Variants in MANBAL observed in about 807,000 individuals in gnomAD.
MANBAL encodes the protein mannosidase beta like.
A neutral mutation model predicts 6.4 loss-of-function variants in MANBAL; 1 was observed. That is an observed-to-expected ratio of 0.16 (90% confidence interval 0.06 to 0.74). The LOEUF (loss-of-function observed/expected upper bound fraction) is 0.74. Among genes scored for constraint, MANBAL ranks in the 30% least tolerant of loss-of-function variants. The probability of loss-of-function intolerance (pLI) is 0.78; values close to 1 mark genes in which losing one functional copy is unlikely to be tolerated. For synonymous variants in MANBAL, 47 were observed against 45.8 expected (o/e 1.03, Z -0.10); for missense variants, 100 against 107.8 (o/e 0.93, Z 0.32).
intron 1 of MANBAL, among the ~76,000 whole-genome samples, chr20:37,294,246 A>T (rs1409697858): frequency 6.6e-6 from 1 of 152,102 alleles, no homozygotes; most frequent in Non-Finnish European, 1.5e-5. Flanking sequence ...CTTCTTTCAG[A>T]TTTCACCTCA....
At chr20:37,314,234 C>T (rs550454848) in intron 2 of MANBAL, among the ~76,000 whole-genome samples, 74 of 152,202 alleles carry the variant, frequency 4.9e-4, no homozygotes, top group African/African-American at 1.8e-3. Context: ...GTGAGGTTAC[C>T]GGGTCTCTGG....
chr20:37,306,986 C>T (rs2069273587), intron 2 of MANBAL, among the ~76,000 whole-genome samples: 1 of 152,126 alleles, frequency 6.6e-6, no homozygotes, highest in Non-Finnish European at 1.5e-5. Flanking sequence ...GTTTTTGAGA[C>T]AGGGTCTTGC....
intron 2 of MANBAL, among the ~76,000 whole-genome samples, chr20:37,312,690 A>G (rs1222791131): frequency 6.6e-6 from 1 of 152,192 alleles, no homozygotes; most frequent in Non-Finnish European, 1.5e-5. Context: ...GCTGGAGTGT[A>G]GTAGCTATTT....
intron 1 of MANBAL, chr20:37,298,939 G>A (rs1290974000): frequency 6.6e-6 from 1 of 152,126 alleles, no homozygotes; most frequent in Non-Finnish European, 1.5e-5. Flanking sequence ...GTCCCACTCT[G>A]TTGCCCAGGC....
At position 37,301,306 on chromosome 20, in the gene MANBAL, C is replaced by T; in HGVS notation, c.43C>T (p.Pro15Ser). The change falls in exon 2 of 3, where the codon CCC (proline) becomes TCC (serine). Residue 15 changes from proline (P) to serine (S), a missense_variant. Transcript: ENST00000373606. ...LDFSPPEVPEPTFLENLLRYG... is the reference protein window; with the variant it reads ...LDFSPPEVPESTFLENLLRYG... Reference sequence around the variant, plus strand: ...CTTCTCACCTCCGGAGGTGCCCGAGCCCACTTTCCTGGAGAACCTGCTACG... The same window carrying T: ...CTTCTCACCTCCGGAGGTGCCCGAGTCCACTTTCCTGGAGAACCTGCTACG... 6.2e-7 allele frequency: 1 copy of T among 1,611,874 alleles called. No individual in the cohort carries two copies. The highest frequency in any genetic ancestry group is 1.1e-5 in the South Asian group (1 of 90,844).
intron 2 of MANBAL, among the ~76,000 whole-genome samples, chr20:37,308,736 C>G (rs999905932): frequency 6.6e-6 from 1 of 151,900 alleles, no homozygotes; most frequent in South Asian, 2.1e-4. Context: ...CAAGCCTCTT[C>G]CGGATCGATT....
intron 2 of MANBAL, among the ~76,000 whole-genome samples, chr20:37,315,914 TC>T (rs1000420044): frequency 1.3e-5 from 2 of 152,254 alleles, no homozygotes; most frequent in Non-Finnish European, 2.9e-5. Context: ...AGCTGGCACT[TC>T]CTGGGTGCTT....
chr20:37,316,402 A>G lies in MANBAL; in HGVS notation c.245A>G (p.Lys82Arg). 1.2e-6 allele frequency: 2 copies of G among 1,613,370 alleles called. No individual in the cohort carries two copies. Among genetic ancestry groups the G allele is most frequent in the Non-Finnish European group, 1.7e-6 (2 of 1,179,528 alleles). ...SVNKRPKKET[K>R]KKR ...AACAAGAGGCCCAAGAAAGAGACTA[A>G]GAAGAAGCGGTAGAAGAGGAGGCCT... The change falls in exon 3 of 3, where the codon AAG becomes AGG. Residue 82 changes from lysine to arginine, a missense_variant. By Grantham distance (26) the Lys-to-Arg change is conservative. Coordinates refer to ENST00000373606, the MANE Select transcript of MANBAL (RefSeq NM_001003897.2).
At chr20:37,307,166 A>G (rs2069278101) in intron 2 of MANBAL, among the ~76,000 whole-genome samples, 3 of 152,044 alleles carry the variant, frequency 2.0e-5, no homozygotes, top group African/African-American at 4.8e-5. Flanking sequence ...CGGTTTCACT[A>G]TGTTGCCCAG....
At chr20:37,316,090 A>G (rs1163981477) in intron 2 of MANBAL, among the ~76,000 whole-genome samples, 1 of 152,206 alleles carries the variant, frequency 6.6e-6, no homozygotes, top group African/African-American at 2.4e-5. Context: ...CTGAGACCCC[A>G]CAAGCTGCTC....
rs779122925 is a variant in MANBAL, at chr20:37,301,459, G to A, written c.150+46G>A. 4 of 1,599,988 alleles carry A rather than the reference G, an allele frequency of 2.5e-6. No individual in the cohort carries two copies. The East Asian group carries it at 6.7e-5, about 27-fold the overall frequency. On this transcript the variant is annotated intron_variant, in intron 2 of 2. Coordinates refer to ENST00000373606, the MANE Select transcript of MANBAL (RefSeq NM_001003897.2). Reference sequence around the variant, plus strand: ...CTCAGCTCCTCTGAGTGCCAGGCTGGGTTCTGAGTACTAACAGTAGGTGCC... The same window carrying A: ...CTCAGCTCCTCTGAGTGCCAGGCTGAGTTCTGAGTACTAACAGTAGGTGCC...
In MANBAL at chr20:37,297,924, C is replaced by T. The variant is rs565025519; in HGVS notation, c.-56-3284C>T. ...CCTCCCAAAGTGCTGGGATTACAGG[C>T]GTGAGCCACTGCGCCCTGTGAGGCA... On this transcript the variant is annotated intron_variant, in intron 1 of 2. Coordinates refer to ENST00000373606, the MANE Select transcript of MANBAL (RefSeq NM_001003897.2). Among the ~76,000 whole-genome samples, 15 of 152,316 alleles carry T rather than the reference C, an allele frequency of 9.8e-5. 1 individual carries two copies. The highest frequency in any genetic ancestry group is 6.5e-5 in the Admixed American group (1 of 15,296).
At chr20:37,313,016 A>G (rs953335786) in intron 2 of MANBAL, among the ~76,000 whole-genome samples, 1 of 152,206 alleles carries the variant, frequency 6.6e-6, no homozygotes, top group Non-Finnish European at 1.5e-5. Flanking sequence ...TCATTCACTC[A>G]TTCATTGATT....
intron 1 of MANBAL, among the ~76,000 whole-genome samples, chr20:37,293,540 T>G (rs1012310410): frequency 6.6e-6 from 1 of 152,186 alleles, no homozygotes; most frequent in South Asian, 2.1e-4. Flanking sequence ...CACCTCCTGC[T>G]GTGCGGCCTG....
At position 37,292,968 on chromosome 20, in the gene MANBAL, C is replaced by T. The variant is rs117778333; in HGVS notation, c.-57+3282C>T. On this transcript the variant is annotated intron_variant, in intron 1 of 2. Coordinates refer to ENST00000373606, the MANE Select transcript of MANBAL (RefSeq NM_001003897.2). ...CGCAGTGGACAGAGTAAGAGACATA[C>T]GTATATATGCACAGATCTAGAAGTA... is the stretch of plus-strand genomic sequence containing the variant. Among the ~76,000 whole-genome samples the T allele has an allele frequency of 1.4e-3, 206 of 152,290 alleles. 2 individuals are homozygous for T. Among genetic ancestry groups the T allele is most frequent in the Non-Finnish European group, 2.4e-3 (160 of 68,030 alleles).
chr20:37,290,686 C>T (rs540460842), intron 1 of MANBAL, among the ~76,000 whole-genome samples: 1 of 152,164 alleles, frequency 6.6e-6, no homozygotes, highest in Admixed American at 6.5e-5. Context: ...CTCAAACTCC[C>T]GACCTCAGGT....
chr20:37,305,055 A>G (rs1216375481), intron 2 of MANBAL, among the ~76,000 whole-genome samples: 1 of 152,112 alleles, frequency 6.6e-6, no homozygotes, highest in Admixed American at 6.5e-5. Context: ...GTGAACAGGG[A>G]TGGGTTCGTG....
In MANBAL at chr20:37,301,208, T is replaced by A. The variant is rs968089716; in HGVS notation, c.-56T>A. The A allele has an allele frequency of 5.6e-6, 8 of 1,436,694 alleles. No homozygotes were observed. In the Admixed American group the frequency reaches 9.6e-5, roughly 17 times the overall value. 89.0% of individuals were successfully genotyped at this position (1,436,694 alleles called of 1,614,324 possible). On this transcript the variant is annotated splice_region_variant and 5_prime_UTR_variant, in exon 2 of 3. The change creates a new upstream start codon in the 5' untranslated region. Transcript: ENST00000373606. The stretch of plus-strand genomic sequence containing the variant: ...GACACTGACCCTTTGCATTTACAAG[T>A]TGGTTCTAAAGAGTGGTGAGTCAGA...
At chr20:37,310,900 G>A (rs914078628) in intron 2 of MANBAL, among the ~76,000 whole-genome samples, 2 of 152,310 alleles carry the variant, frequency 1.3e-5, no homozygotes, top group Middle Eastern at 3.4e-3. Flanking sequence ...TGGCTGGTAC[G>A]GGCAGCGTAC....
Sources: allele counts gnomAD v4.1 joint callset (sites outside exome capture counted in the v4.1 genomes callset), GRCh38; gene constraint gnomAD v4.1.1; transcripts MANE v1.5; gene names NCBI Gene and HGNC (gene_info 2026-07-23, HGNC 2026-07-21).